USP31: variants seen among roughly 807,000 people sequenced by gnomAD.
USP31 encodes the protein ubiquitin specific peptidase 31.
In USP31, 44 loss-of-function variants were observed where a neutral mutation model predicts 119.4. The ratio of observed to expected loss-of-function variants is 0.37; its 90% confidence interval spans 0.29 to 0.47. USP31 has a LOEUF of 0.47. Among genes scored for constraint, USP31 ranks in the 20% least tolerant of loss-of-function variants. The pLI is 0.99. For synonymous variants in USP31, 749 were observed against 705.6 expected (o/e 1.06, Z -0.97); for missense variants, 1,643 against 1,730.2 (o/e 0.95, Z 0.89).
At chr16:23,099,469 G>A (rs1901756404) in intron 6 of USP31, among the ~76,000 whole-genome samples, 1 of 152,098 alleles carries the variant, frequency 6.6e-6, no homozygotes, top group South Asian at 2.1e-4. Context: ...CCATTACTGG[G>A]TATATACTCA....
chr16:23,129,303 T>G (rs1472751587), intron 1 of USP31, among the ~76,000 whole-genome samples: 1 of 152,166 alleles, frequency 6.6e-6, no homozygotes, highest in African/African-American at 2.4e-5. Flanking sequence ...TTTGGATCCT[T>G]ACATAAAGTG....
Position 23,148,987 on chromosome 16 carries a change from G to T in USP31, c.284C>A (p.Pro95Gln), listed in dbSNP as rs1481743145. Residue 95 changes from proline (P) to glutamine (Q), a missense_variant, in exon 1 of 16, where the codon CCG becomes CAG. Physicochemically the swap from Pro to Gln is moderately conservative, Grantham distance 76. Around this residue, in one of 5 missense-constraint regions of USP31, gnomAD observed 302 missense variants for 262.6 expected, o/e 1.15. Transcript: ENST00000219689. Reference sequence around the variant, plus strand: ...CGTGGGCGCGGCGGCCGGCCCGGGCGGGAAGCAGCTGCGGAGGCCGCCGCG... The same window carrying T: ...CGTGGGCGCGGCGGCCGGCCCGGGCTGGAAGCAGCTGCGGAGGCCGCCGCG... ...PDRGGLRSCF[P>Q]PGPAAAPTPP... The T allele has an allele frequency of 2.9e-6, 3 of 1,047,668 alleles. No individual in the cohort carries two copies. Among genetic ancestry groups the T allele is most frequent in the South Asian group, 8.1e-5 (2 of 24,760 alleles). The allele number at this position is 1,047,668 out of a possible 1,614,324, so 64.9% of individuals were successfully genotyped here.
chr16:23,101,717 T>C (rs1256334907), intron 6 of USP31, among the ~76,000 whole-genome samples: 1 of 152,070 alleles, frequency 6.6e-6, no homozygotes, highest in Admixed American at 6.5e-5. Flanking sequence ...AAGAATGCTG[T>C]GGCGAGGAGC....
intron 15 of USP31, among the ~76,000 whole-genome samples, 199 bp from the exon 16 acceptor site, chr16:23,069,815 G>C (rs1209243613): frequency 6.6e-6 from 1 of 152,160 alleles, no homozygotes; most frequent in East Asian, 1.9e-4. Flanking sequence ...ATAAAATAGG[G>C]ACATTCTAAC....
intron 1 of USP31, among the ~76,000 whole-genome samples, chr16:23,122,522 C>T (rs1290722161): frequency 6.6e-6 from 1 of 152,092 alleles, no homozygotes. Context: ...TTCACAGCAG[C>T]ATTATTTATA....
At chr16:23,081,894 C>A (rs537734816) in intron 12 of USP31, among the ~76,000 whole-genome samples, 1 of 152,340 alleles carries the variant, frequency 6.6e-6, no homozygotes, top group East Asian at 1.9e-4. Flanking sequence ...CTTTCAGATA[C>A]AAACTAAGAG....
chr16:23,078,424 C>T (rs1051741432), intron 13 of USP31, among the ~76,000 whole-genome samples: 1 of 152,148 alleles, frequency 6.6e-6, no homozygotes, highest in South Asian at 2.1e-4. Context: ...GCCACTCACC[C>T]CTCACTGTGC....
Position 23,067,968 on chromosome 16 carries a change from C to A in USP31, c.*78G>T. 2.0e-6 allele frequency: 3 copies of A among 1,513,444 alleles called. No homozygotes were observed. Among genetic ancestry groups the A allele is most frequent in the Non-Finnish European group, 2.6e-6 (3 of 1,135,030 alleles). The allele number at this position is 1,513,444 out of a possible 1,614,324, so 93.8% of individuals were successfully genotyped here. A position where few individuals can be genotyped will look rare whatever the true frequency, so the allele number is the denominator to read the frequency against. ...CTCAAAAAAGTACAAAACAAAAGCA[C>A]AGGAGGCTTTGGTGGGAGGGCAGGG... On this transcript the variant is annotated 3_prime_UTR_variant, in exon 16 of 16. Coordinates refer to ENST00000219689, the MANE Select transcript of USP31 (RefSeq NM_020718.4).
intron 6 of USP31, among the ~76,000 whole-genome samples, chr16:23,093,723 G>T (rs578181190): frequency 6.6e-6 from 1 of 152,212 alleles, no homozygotes; most frequent in South Asian, 2.1e-4. Context: ...ACAAATACTT[G>T]TACACAAATG....
chr16:23,100,584 C>T (rs897744719), intron 6 of USP31, among the ~76,000 whole-genome samples: 3 of 151,874 alleles, frequency 2.0e-5, no homozygotes, highest in East Asian at 3.9e-4. Context: ...ACCAGCCTGG[C>T]CAACATGGTG....
At chr16:23,069,741 A>G in intron 15 of USP31, 125 bp from the exon 16 acceptor site, 5 of 1,295,706 alleles carry the variant, frequency 3.9e-6, no homozygotes, top group Non-Finnish European at 5.1e-6. Flanking sequence ...CTTCAGAGCC[A>G]GCCCATCTGG....
At chr16:23,148,353 C>T (rs1167994954) in intron 1 of USP31, among the ~76,000 whole-genome samples, 1 of 152,178 alleles carries the variant, frequency 6.6e-6, no homozygotes, top group Non-Finnish European at 1.5e-5. Context: ...TCCATGAAGG[C>T]GGATAGTCTT....
At chr16:23,082,292 A>G in intron 12 of USP31, 146 bp downstream of exon 12, 1 of 1,087,106 alleles carries the variant, frequency 9.2e-7, no homozygotes, top group African/African-American at 1.6e-5. Flanking sequence ...CCCTAAACAC[A>G]GGGGCAAAAG....
In USP31 at chr16:23,106,106, T is replaced by TAATGGGATTAATGACTGTATTC. The variant is rs1902091287; in HGVS notation, c.953+106_953+107insGAATACAGTCATTAATCCCATT. 3 of 1,212,816 alleles carry TAATGGGATTAATGACTGTATTC rather than the reference T, an allele frequency of 2.5e-6. No individual in the cohort carries two copies. In the Middle Eastern group the frequency reaches 7.9e-4, roughly 318 times the overall value. The allele number at this position is 1,212,816 out of a possible 1,614,324, so 75.1% of individuals were successfully genotyped here. ...CAATGACTGTATTCAATCCCATTAT[T>TAATGGGATTAATGACTGTATTC]AATCCCATTACCTGTCTAAATAAGT... is the stretch of plus-strand genomic sequence containing the variant. On this transcript the variant is annotated intron_variant, in intron 4 of 15. Coordinates refer to ENST00000219689, the MANE Select transcript of USP31 (RefSeq NM_020718.4).
chr16:23,119,248 A>C (rs1369472980), intron 1 of USP31, among the ~76,000 whole-genome samples: 2 of 151,410 alleles, frequency 1.3e-5, no homozygotes, highest in Non-Finnish European at 2.9e-5. Context: ...ACAGGCGCAT[A>C]TCACCATGCC....
chr16:23,118,537 T>G (rs1902569377), intron 1 of USP31, among the ~76,000 whole-genome samples: 1 of 152,182 alleles, frequency 6.6e-6, no homozygotes, highest in Non-Finnish European at 1.5e-5. Context: ...CTCCGGAGTT[T>G]CACTTCCAAA....
chr16:23,087,399 C>G (rs896801263), intron 8 of USP31, among the ~76,000 whole-genome samples: 2 of 152,180 alleles, frequency 1.3e-5, no homozygotes, highest in Admixed American at 6.5e-5. Context: ...TTATGCAAGA[C>G]AAGTAACACA....
intron 6 of USP31, among the ~76,000 whole-genome samples, chr16:23,098,047 A>G (rs896744421): frequency 1.4e-4 from 21 of 152,230 alleles, no homozygotes; most frequent in Admixed American, 1.1e-3. Context: ...CTGTTTGCAG[A>G]TGACATGATT....
Position 23,149,366 on chromosome 16 carries a change from GC to G in USP31, c.-97del. On this transcript the variant is annotated 5_prime_UTR_variant, in exon 1 of 16. Coordinates refer to ENST00000219689, the MANE Select transcript of USP31 (RefSeq NM_020718.4). ...ATCCCGCAGCGCCGCGCCTCACCGG[GC>G]CCGGGGGCTCGACGCCCCACACACC... 1 of 990,846 alleles carries G rather than the reference GC, an allele frequency of 1.0e-6. No individual in the cohort carries two copies. The highest frequency in any genetic ancestry group is 1.2e-6 in the Non-Finnish European group (1 of 834,936). The allele number at this position is 990,846 out of a possible 1,614,324, so 61.4% of individuals were successfully genotyped here. A position where few individuals can be genotyped will look rare whatever the true frequency, so the allele number is the denominator to read the frequency against.
Sources: allele counts gnomAD v4.1 joint callset (sites outside exome capture counted in the v4.1 genomes callset), GRCh38; gene constraint gnomAD v4.1.1; regional missense constraint gnomAD v4.1.1; transcripts MANE v1.5; gene names NCBI Gene and HGNC (gene_info 2026-07-23, HGNC 2026-07-21).